The following NPAS3 variants were observed in gnomAD, a reference collection of about 807,000 sequenced individuals.
NPAS3 encodes neuronal PAS domain protein 3, also known as neuronal PAS domain-containing protein 3.
Under a neutral mutation model 73.1 loss-of-function variants are expected in NPAS3, and 14 were observed. The observed-to-expected ratio is 0.19, with a 90% confidence interval of 0.13 to 0.30. The LOEUF is 0.30. Ranked by LOEUF, NPAS3 falls within the 10% of genes least tolerant of loss-of-function variation. NPAS3 has a pLI of 1.00. For synonymous variants in NPAS3, 620 were observed against 541.5 expected, an observed-to-expected ratio of 1.14 and a Z score of -2.01; for missense variants, 1,096 against 1,250.0, an observed-to-expected ratio of 0.88 and a Z score of 1.86.
At chr14:33,141,671 CTA>C (rs1288078409) in intron 2 of NPAS3, among the ~76,000 whole-genome samples, 1 of 152,128 alleles carries the variant, frequency 6.6e-6, no homozygotes, top group African/African-American at 2.4e-5. Context: ...CTATAATCCT[CTA>C]TGATTAGATA....
intron 9 of NPAS3, among the ~76,000 whole-genome samples, chr14:33,789,949 G>A (rs1168510766): frequency 3.3e-5 from 5 of 152,132 alleles, no homozygotes; most frequent in Non-Finnish European, 4.4e-5. Context: ...TGAATTCAGC[G>A]AGAGACACAC....
At chr14:33,411,745 G>C (rs902479172) in intron 4 of NPAS3, among the ~76,000 whole-genome samples, 5 of 151,378 alleles carry the variant, frequency 3.3e-5, no homozygotes, top group African/African-American at 9.8e-5. Context: ...CTTTGTTCCT[G>C]CCATTTTTGC....
At chr14:33,134,573 C>T (rs1355288304) in intron 2 of NPAS3, among the ~76,000 whole-genome samples, 1 of 151,996 alleles carries the variant, frequency 6.6e-6, no homozygotes, top group African/African-American at 2.4e-5. Flanking sequence ...CCATTTTATC[C>T]AGCCACCAGG....
Position 33,076,810 on chromosome 14 carries a change from T to G in NPAS3, c.140+20816T>G, listed in dbSNP as rs147990929. Among the ~76,000 whole-genome samples the G allele has an allele frequency of 4.2e-3, 639 of 152,370 alleles. 4 individuals carry two copies. The highest frequency in any genetic ancestry group is 6.7e-3 in the Non-Finnish European group (455 of 68,032). On this transcript the variant is annotated intron_variant, in intron 2 of 11. Coordinates refer to ENST00000356141, the Ensembl canonical transcript of NPAS3. ...AAAGCAATGTGTTAGTACAAAAAAG[T>G]ATTTTCAGCTGAATATATATGACAG...
At chr14:33,143,232 C>G (rs762388232) in intron 2 of NPAS3, among the ~76,000 whole-genome samples, 1 of 152,184 alleles carries the variant, frequency 6.6e-6, no homozygotes, top group Non-Finnish European at 1.5e-5. Context: ...TGGCTCACGC[C>G]TGTAATCACA....
intron 4 of NPAS3, among the ~76,000 whole-genome samples, chr14:33,519,061 A>G (rs1249364858): frequency 1.3e-5 from 2 of 152,090 alleles, no homozygotes; most frequent in African/African-American, 4.8e-5. Flanking sequence ...TTTGTTACAC[A>G]CAACCCTCTA....
At chr14:33,644,615 TGAGCATTA>T in intron 5 of NPAS3, among the ~76,000 whole-genome samples, 1 of 152,306 alleles carries the variant, frequency 6.6e-6, no homozygotes, top group South Asian at 2.1e-4. Context: ...CACTGAGGAA[TGAGCATTA>T]GGTATCTTGC....
chr14:33,425,587 A>G (rs2048524413), intron 4 of NPAS3, among the ~76,000 whole-genome samples: 1 of 147,212 alleles, frequency 6.8e-6, no homozygotes, highest in Non-Finnish European at 1.5e-5. Context: ...TGTGCTTGAC[A>G]TGTAATAGAC....
intron 6 of NPAS3, among the ~76,000 whole-genome samples, chr14:33,734,175 A>T (rs1004328975): frequency 6.6e-6 from 1 of 152,164 alleles, no homozygotes; most frequent in African/African-American, 2.4e-5. Context: ...CGACTACTCG[A>T]AAGAAATCCT....
In NPAS3 at chr14:33,190,728, C is replaced by T. The variant is rs116616504; in HGVS notation, c.141-24454C>T. Among the ~76,000 whole-genome samples, 766 of 152,278 alleles carry T rather than the reference C, an allele frequency of 5.0e-3. 6 individuals are homozygous for T. The highest frequency in any genetic ancestry group is 0.017 in the African/African-American group (714 of 41,560). On this transcript the variant is annotated intron_variant, in intron 2 of 11. Transcript: ENST00000356141. ...TGTCTCTGCTGCATGTGGAGTGCTG[C>T]AGCTTCTGCAGTTAGGATGTTGTTT...
intron 4 of NPAS3, among the ~76,000 whole-genome samples, chr14:33,510,942 G>A (rs1211365064): frequency 2.0e-5 from 3 of 152,024 alleles, no homozygotes; most frequent in Admixed American, 6.6e-5. Context: ...AGGTAGAGGG[G>A]GTTAATGAGC....
intron 1 of NPAS3, among the ~76,000 whole-genome samples, 192 bp downstream of exon 1, chr14:32,939,558 T>TCC (rs2035881726): frequency 1.4e-5 from 2 of 143,402 alleles, no homozygotes; most frequent in Non-Finnish European, 3.0e-5. Context: ...CGAGAGGCTC[T>TCC]GGCGGCGGCC....
At chr14:33,302,184 TACA>T (rs1212399183) in intron 3 of NPAS3, among the ~76,000 whole-genome samples, 1 of 152,196 alleles carries the variant, frequency 6.6e-6, no homozygotes, top group Non-Finnish European at 1.5e-5. Flanking sequence ...AGGATTTGCA[TACA>T]ACAACTTGTA....
chr14:32,976,466 T>A (rs958806906), intron 1 of NPAS3, among the ~76,000 whole-genome samples: 3 of 152,230 alleles, frequency 2.0e-5, no homozygotes, highest in African/African-American at 7.2e-5. Flanking sequence ...CAGTACAGTT[T>A]TATATATTCG....
At chr14:33,370,247 T>C (rs1228908090) in intron 4 of NPAS3, among the ~76,000 whole-genome samples, 1 of 152,116 alleles carries the variant, frequency 6.6e-6, no homozygotes, top group Admixed American at 6.6e-5. Flanking sequence ...TCAAGTACTA[T>C]GGGGCCACAA....
intron 1 of NPAS3, among the ~76,000 whole-genome samples, chr14:33,029,093 G>A (rs2039904503): frequency 6.6e-6 from 1 of 152,136 alleles, no homozygotes; most frequent in Non-Finnish European, 1.5e-5. Flanking sequence ...GCAGAGTAGA[G>A]GAAAGGCCTG....
rs56245209 is a variant in NPAS3 at position 33,574,978 on chromosome 14, G to GT, written c.558+14768_558+14769insT. 4.1e-3 allele frequency among the ~76,000 whole-genome samples: 625 copies of GT among 152,042 alleles called. 8 individuals carry two copies. The highest frequency in any genetic ancestry group is 0.014 in the African/African-American group (594 of 41,464). On this transcript the variant is annotated intron_variant, in intron 5 of 11. Transcript: ENST00000356141. Reference sequence around the variant, plus strand: ...GGTCCATGCACACAGTGGTGCAAGGGACAAGGATGCTGAAGTATCAGTAAT... The same window carrying GT: ...GGTCCATGCACACAGTGGTGCAAGGGTACAAGGATGCTGAAGTATCAGTAAT...
At chr14:33,762,992 C>A (rs1296978799) in intron 7 of NPAS3, among the ~76,000 whole-genome samples, 2 of 152,198 alleles carry the variant, frequency 1.3e-5, no homozygotes, top group African/African-American at 4.8e-5. Context: ...AAATGTACCA[C>A]TGAATAGTAG....
chr14:33,442,772 T>C (rs1163832993), intron 4 of NPAS3, among the ~76,000 whole-genome samples: 1 of 152,220 alleles, frequency 6.6e-6, no homozygotes, highest in Non-Finnish European at 1.5e-5. Flanking sequence ...CTCAGGTATG[T>C]CCTTATTAGC....
Sources: allele counts gnomAD v4.1 joint callset (sites outside exome capture counted in the v4.1 genomes callset), GRCh38; gene constraint gnomAD v4.1.1; transcripts MANE v1.5; gene names NCBI Gene and HGNC (gene_info 2026-07-23, HGNC 2026-07-21).